CNTN4: variants seen among roughly 807,000 people sequenced by gnomAD.
CNTN4 encodes the protein contactin-4.
Under a neutral mutation model 122.5 loss-of-function variants are expected in CNTN4, and 77 were observed. That is an observed-to-expected ratio of 0.63 (90% CI 0.52 to 0.76). CNTN4 has a LOEUF of 0.76. Ranked by LOEUF, CNTN4 falls within the 30% of genes least tolerant of loss-of-function variation. The pLI is 0.00. For missense variants in CNTN4, 1,256 were observed against 1,259.1 expected (o/e 1.00, Z 0.04); for synonymous variants, 512 against 447.0 (o/e 1.15, Z -1.83).
At chr3:2,634,434 A>G (rs2082568292) in intron 4 of CNTN4, among the ~76,000 whole-genome samples, 1 of 152,216 alleles carries the variant, frequency 6.6e-6, no homozygotes, top group Non-Finnish European at 1.5e-5. Flanking sequence ...ATAGTTTTGG[A>G]AACTGAAGAA....
intron 4 of CNTN4, among the ~76,000 whole-genome samples, chr3:2,708,706 G>C (rs914083702): frequency 6.7e-6 from 1 of 148,616 alleles, no homozygotes; most frequent in Non-Finnish European, 1.5e-5. Context: ...GTCCATGCAC[G>C]CAGGCACGCG....
At chr3:2,487,219 T>C (rs1288767492) in intron 3 of CNTN4, among the ~76,000 whole-genome samples, 2 of 152,244 alleles carry the variant, frequency 1.3e-5, no homozygotes, top group African/African-American at 4.8e-5. Context: ...TTAGTGTATA[T>C]AAACATATCA....
At chr3:2,301,847 AATATAATAAT>A (rs2042537956) in intron 2 of CNTN4, among the ~76,000 whole-genome samples, 3 of 152,244 alleles carry the variant, frequency 2.0e-5, no homozygotes, top group Admixed American at 1.3e-4. Flanking sequence ...AACTCTACTT[AATATAATAAT>A]AACTGAATTT....
At chr3:2,348,483 A>G (rs575784201) in intron 3 of CNTN4, among the ~76,000 whole-genome samples, 1 of 152,300 alleles carries the variant, frequency 6.6e-6, no homozygotes, top group South Asian at 2.1e-4. Context: ...CTATAGCGAG[A>G]ACCACCCTGT....
At chr3:2,941,446 C>T (rs930680042) in intron 13 of CNTN4, among the ~76,000 whole-genome samples, 1 of 152,192 alleles carries the variant, frequency 6.6e-6, no homozygotes, top group African/African-American at 2.4e-5. Context: ...CAGTCTCCAC[C>T]CTGAACCTTA....
At chr3:2,196,973 AG>A (rs1370318609) in intron 2 of CNTN4, among the ~76,000 whole-genome samples, 1 of 148,632 alleles carries the variant, frequency 6.7e-6, no homozygotes, top group Non-Finnish European at 1.5e-5. Context: ...TGAACCCAGG[AG>A]GCAGAGGTTA....
intron 3 of CNTN4, among the ~76,000 whole-genome samples, chr3:2,393,152 T>C (rs1254362814): frequency 3.9e-5 from 6 of 152,182 alleles, no homozygotes; most frequent in African/African-American, 1.4e-4. Context: ...GGTTACAGCT[T>C]GTTGCCTTCA....
At chr3:2,572,036 A>C (rs1451197226) in intron 4 of CNTN4, among the ~76,000 whole-genome samples, 4 of 152,212 alleles carry the variant, frequency 2.6e-5, no homozygotes. Context: ...ACTAGAAAGC[A>C]AAACACAGGA....
chr3:3,034,722 G>T lies in CNTN4; in HGVS notation c.1874G>T (p.Ser625Ile). The change falls in exon 17 of 25, where the codon AGC becomes ATC. Residue 625 changes from serine to isoleucine, a missense_variant. Physicochemically the swap from Ser to Ile is moderately radical, Grantham distance 142. Coordinates refer to ENST00000418658, the MANE Select transcript of CNTN4 (RefSeq NM_175607.3). ...TGGAGACCCGGGCCTGACAACCACA[G>T]CCCCATCACCATGTATGTCATTCAA... ...LSWRPGPDNH[S>I]PITMYVIQAR... 6.2e-7 allele frequency: 1 copy of T among 1,613,958 alleles called. No homozygotes were observed. The highest frequency in any genetic ancestry group is 1.1e-5 in the South Asian group (1 of 91,074).
chr3:2,135,947 A>G lies in CNTN4; in HGVS notation c.-145+35308A>G, dbSNP rs555855915. Among the ~76,000 whole-genome samples the G allele has an allele frequency of 1.8e-4, 28 of 152,176 alleles. No individual in the cohort carries two copies. The South Asian group carries it at 5.8e-3, about 32-fold the overall frequency. ...TTTCTCTAGGGGATGTGCTTTCCCC[A>G]TGTTTGATCTGTTTTTTTCTGAGAG... On this transcript the variant is annotated intron_variant, in intron 2 of 24. Coordinates refer to ENST00000418658, the MANE Select transcript of CNTN4 (RefSeq NM_175607.3).
rs79079925 is a variant in CNTN4, at chr3:2,777,243, C to T, written c.358+31546C>T. Among the ~76,000 whole-genome samples, 936 of 152,096 alleles carry T rather than the reference C, an allele frequency of 6.2e-3. 5 individuals carry two copies. The highest frequency in any genetic ancestry group is 0.021 in the African/African-American group (869 of 41,466). On this transcript the variant is annotated intron_variant, in intron 6 of 24. Coordinates refer to ENST00000418658, the MANE Select transcript of CNTN4 (RefSeq NM_175607.3). ...AATTAGTATAACCCATGATTAATAC[C>T]CCTAACATGAGGGAAACTATAAGAC...
chr3:2,725,906 C>T (rs1202211931), intron 4 of CNTN4, among the ~76,000 whole-genome samples: 1 of 152,110 alleles, frequency 6.6e-6, no homozygotes, highest in Non-Finnish European at 1.5e-5. Context: ...TTGGTGTGTA[C>T]CTTTCTATGC....
chr3:2,984,426 T>C (rs538152666), intron 13 of CNTN4, among the ~76,000 whole-genome samples: 1 of 152,138 alleles, frequency 6.6e-6, no homozygotes, highest in South Asian at 2.1e-4. Flanking sequence ...TGGGGAAGGG[T>C]TAGAGCTATG....
chr3:2,823,926 C>T (rs1323393078), intron 7 of CNTN4, among the ~76,000 whole-genome samples: 2 of 152,168 alleles, frequency 1.3e-5, no homozygotes, highest in African/African-American at 4.8e-5. Flanking sequence ...GACCCCACTA[C>T]AGCCTACTGA....
intron 4 of CNTN4, among the ~76,000 whole-genome samples, chr3:2,686,267 C>T (rs994010639): frequency 2.0e-5 from 3 of 152,286 alleles, no homozygotes; most frequent in Admixed American, 1.3e-4. Context: ...TTAACCCTTA[C>T]ATTAATCCAA....
At chr3:3,010,578 C>T (rs1322865724) in intron 14 of CNTN4, among the ~76,000 whole-genome samples, 2 of 151,996 alleles carry the variant, frequency 1.3e-5, no homozygotes, top group Non-Finnish European at 2.9e-5. Flanking sequence ...GAAGCCAGCA[C>T]AATGCCTGAC....
chr3:2,880,396 A>G (rs563795863), intron 8 of CNTN4, among the ~76,000 whole-genome samples: 36 of 152,346 alleles, frequency 2.4e-4, no homozygotes, highest in African/African-American at 8.4e-4. Flanking sequence ...CTCTCAGAGT[A>G]TACAGCCATA....
intron 2 of CNTN4, among the ~76,000 whole-genome samples, chr3:2,202,072 A>C (rs2038122641): frequency 6.6e-6 from 1 of 152,160 alleles, no homozygotes; most frequent in Non-Finnish European, 1.5e-5. Flanking sequence ...ACTTGTTAGA[A>C]GGAGACTTTC....
At chr3:2,307,291 C>T (rs1575331050) in intron 2 of CNTN4, among the ~76,000 whole-genome samples, 1 of 152,014 alleles carries the variant, frequency 6.6e-6, no homozygotes. Context: ...AAAATGTAGC[C>T]GGGCGTGGTG....
Sources: allele counts gnomAD v4.1 joint callset (sites outside exome capture counted in the v4.1 genomes callset), GRCh38; gene constraint gnomAD v4.1.1; transcripts MANE v1.5; gene names NCBI Gene and HGNC (gene_info 2026-07-23, HGNC 2026-07-21).